Variants in MOCS2 observed in about 807,000 individuals in gnomAD.
The protein encoded by MOCS2 is molybdopterin synthase catalytic subunit.
In MOCS2, 13 loss-of-function variants were observed where a neutral mutation model predicts 21.9. The ratio of observed to expected loss-of-function variants is 0.59; its 90% CI spans 0.39 to 0.94. The LOEUF is 0.94. Among genes scored for constraint, MOCS2 ranks in the 40% least tolerant of loss-of-function variants. The pLI is 0.00. For missense variants in MOCS2, 227 were observed against 218.3 expected (o/e 1.04, Z -0.25); for synonymous variants, 92 against 80.8 (o/e 1.14, Z -0.74).
In MOCS2 at chr5:53,109,559, G is replaced by A. The variant is rs1741149991; in HGVS notation, c.-478C>T. On this transcript the variant is annotated 5_prime_UTR_variant, in exon 1 of 7. Coordinates refer to ENST00000396954, the MANE Select transcript of MOCS2 (RefSeq NM_004531.5). ...AGACAGGAAGGGCCCGGGGGCGGGG[G>A]CGGGGGCGCCCCCGAACCCAAGACG... 2 of 1,402,086 alleles carry A rather than the reference G, an allele frequency of 1.4e-6. No individual in the cohort carries two copies. Among genetic ancestry groups the A allele is most frequent in the Non-Finnish European group, 1.9e-6 (2 of 1,076,396 alleles). The allele number at this position is 1,402,086 out of a possible 1,614,324, so 86.9% of individuals were successfully genotyped here. A position where few individuals can be genotyped will look rare whatever the true frequency, so the allele number is the denominator to read the frequency against.
Position 53,097,285 on chromosome 5 carries a change from G to C in MOCS2, c.*1317C>G, listed in dbSNP as rs923509194. 2 of 152,206 alleles carry C rather than the reference G, an allele frequency of 1.3e-5. No individual in the cohort carries two copies. Among genetic ancestry groups the C allele is most frequent in the African/African-American group, 2.4e-5 (1 of 41,446 alleles). The allele number at this position is 152,206 out of a possible 1,614,324, so 9.4% of individuals were successfully genotyped here. On this transcript the variant is annotated 3_prime_UTR_variant, in exon 7 of 7. Coordinates refer to ENST00000396954, the MANE Select transcript of MOCS2 (RefSeq NM_004531.5). ...TATGGGTCCCAGCCACAGATAAGAT[G>C]CAGAGTGTTCCTCAAGGTATTTTAG...
At chr5:53,105,250 C>T (rs75830869) in intron 3 of MOCS2, among the ~76,000 whole-genome samples, 21,623 of 151,948 alleles carry the variant, frequency 0.14, 1,637 homozygotes, top group Middle Eastern at 0.2. Context: ...AGTTCAAATG[C>T]TGTCTTTTGA....
At chr5:53,103,999 A>G (rs1359354387) in intron 3 of MOCS2, among the ~76,000 whole-genome samples, 2 of 152,230 alleles carry the variant, frequency 1.3e-5, no homozygotes, top group Non-Finnish European at 2.9e-5. Flanking sequence ...TCTTGCAGGC[A>G]ATGAGGAATA....
intron 3 of MOCS2, among the ~76,000 whole-genome samples, chr5:53,103,185 TATAA>T (rs1397749246): frequency 6.6e-6 from 1 of 152,208 alleles, no homozygotes; most frequent in Non-Finnish European, 1.5e-5. Flanking sequence ...CAATTATGTG[TATAA>T]ATATTCATAA....
At chr5:53,101,313 G>A in intron 5 of MOCS2, 46 bp downstream of exon 5, 2 of 1,562,418 alleles carry the variant, frequency 1.3e-6, no homozygotes, top group Non-Finnish European at 1.8e-6. Flanking sequence ...GTACAAAGAT[G>A]GAAAACAATT....
chr5:53,098,593 C>T lies in MOCS2; in HGVS notation c.*9G>A, dbSNP rs758990228. ...AAGTTAAGATTGCATGCTCTAAAAACATAAGTGATTAACTGTTGGATGCCC... is the reference window on the plus strand; with the variant it reads ...AAGTTAAGATTGCATGCTCTAAAAATATAAGTGATTAACTGTTGGATGCCC... On this transcript the variant is annotated 3_prime_UTR_variant, in exon 7 of 7. Transcript: ENST00000396954. The T allele has an allele frequency of 6.2e-7, 1 of 1,610,774 alleles. No homozygotes were observed. The highest frequency in any genetic ancestry group is 2.2e-5 in the East Asian group (1 of 44,788).
chr5:53,105,419 C>T (rs1361213702), intron 3 of MOCS2, among the ~76,000 whole-genome samples: 1 of 152,096 alleles, frequency 6.6e-6, no homozygotes, highest in African/African-American at 2.4e-5. Flanking sequence ...AGAAATAAAG[C>T]TTCACACCTA....
chr5:53,103,131 G>A (rs1204098175), intron 3 of MOCS2, among the ~76,000 whole-genome samples: 2 of 151,872 alleles, frequency 1.3e-5, no homozygotes, highest in Non-Finnish European at 2.9e-5. Context: ...GGCATGATTT[G>A]ATCTGAATGA....
At chr5:53,098,780 CTT>C in intron 6 of MOCS2, 113 bp from the exon 7 acceptor site, 1 of 798,096 alleles carries the variant, frequency 1.3e-6, no homozygotes. Flanking sequence ...AATGGCTCCT[CTT>C]TTAACAATCA....
chr5:53,101,187 A>G, intron 5 of MOCS2, 172 bp downstream of exon 5: 1 of 715,424 alleles, frequency 1.4e-6, no homozygotes, highest in Non-Finnish European at 2.4e-6. Context: ...ATCAAAACTC[A>G]CTAGGCAGTC....
chr5:53,102,235 T>C lies in MOCS2; in HGVS notation c.99-11A>G. 1 of 1,609,600 alleles carries C rather than the reference T, an allele frequency of 6.2e-7. No homozygotes were observed. Among genetic ancestry groups the C allele is most frequent in the South Asian group, 1.1e-5 (1 of 90,906 alleles). On this transcript the variant is annotated splice_polypyrimidine_tract_variant and intron_variant, in intron 3 of 6. Coordinates refer to ENST00000396954, the MANE Select transcript of MOCS2 (RefSeq NM_004531.5). ...TCATCCATATCTTTCCTAGAAATAA[T>C]ACATTAACAAACCTTAACAGAAGTC...
Position 53,109,310 on chromosome 5 carries a change from G to C in MOCS2, c.-229C>G, listed in dbSNP as rs1453650002. 9.6e-7 allele frequency: 1 copy of C among 1,041,686 alleles called. No homozygotes were observed. The highest frequency in any genetic ancestry group is 1.7e-5 in the African/African-American group (1 of 59,380). The allele number at this position is 1,041,686 out of a possible 1,614,324, so 64.5% of individuals were successfully genotyped here. ...ATTACAGGTTTGCAAATGATCAAGG[G>C]TGTAGAAATCCACAGATGAAGCACA... On this transcript the variant is annotated 5_prime_UTR_variant, in exon 1 of 7. Coordinates refer to ENST00000396954, the MANE Select transcript of MOCS2 (RefSeq NM_004531.5).
intron 3 of MOCS2, among the ~76,000 whole-genome samples, chr5:53,103,672 G>A (rs1010403055): frequency 5.9e-5 from 9 of 152,242 alleles, no homozygotes; most frequent in Middle Eastern, 3.4e-3. Flanking sequence ...TTTCCTCAGC[G>A]TGCTTACATT....
At chr5:53,098,834 GAA>G in intron 6 of MOCS2, 167 bp from the exon 7 acceptor site, 1 of 627,910 alleles carries the variant, frequency 1.6e-6, no homozygotes, top group Non-Finnish European at 2.8e-6. Flanking sequence ...GGGGAAGACA[GAA>G]AGTCTTTAGT....
chr5:53,109,688 C>T lies in MOCS2; in HGVS notation c.-607G>A, dbSNP rs190454850. ...TCGAGGAGGGCTCCGCACCCAGGCCCGCACGCACACCCGCCACCCTTACCT... is the reference window on the plus strand; with the variant it reads ...TCGAGGAGGGCTCCGCACCCAGGCCTGCACGCACACCCGCCACCCTTACCT... On this transcript the variant is annotated 5_prime_UTR_variant, in exon 1 of 7. Coordinates refer to ENST00000396954, the MANE Select transcript of MOCS2 (RefSeq NM_004531.5). The T allele has an allele frequency of 8.0e-4, 1,244 of 1,552,348 alleles. 9 individuals are homozygous for T. In the African/African-American group the frequency reaches 0.013, roughly 16 times the overall value.
intron 5 of MOCS2, 113 bp from the exon 6 acceptor site, chr5:53,100,647 T>C: frequency 1.8e-6 from 2 of 1,108,970 alleles, no homozygotes; most frequent in Non-Finnish European, 2.7e-6. Context: ...AATTATACTG[T>C]AGTTCTATTT....
chr5:53,104,635 G>A (rs1741002581), intron 3 of MOCS2, among the ~76,000 whole-genome samples: 1 of 152,098 alleles, frequency 6.6e-6, no homozygotes, highest in Admixed American at 6.5e-5. Context: ...TGAGAAAGAA[G>A]CCTAGTGTTG....
chr5:53,100,305 A>G (rs1740871516), intron 6 of MOCS2, 106 bp downstream of exon 6: 32 of 1,265,128 alleles, frequency 2.5e-5, no homozygotes, highest in Non-Finnish European at 3.6e-5. Context: ...TAAAGAAAAC[A>G]AGATACTACA....
At chr5:53,108,745 G>A in intron 1 of MOCS2, 102 bp from the exon 2 acceptor site, 1 of 1,191,288 alleles carries the variant, frequency 8.4e-7, no homozygotes, top group Non-Finnish European at 1.1e-6. Context: ...TTTAATCAAA[G>A]ACAAATTTTA....
Sources: gnomAD v4.1 joint callset for allele counts (sites outside exome capture counted in the v4.1 genomes callset) on GRCh38, gnomAD v4.1.1 for gene constraint, MANE v1.5 for transcripts, NCBI Gene and HGNC (gene_info 2026-07-23, HGNC 2026-07-21) for gene names.